The following URB1 variants were observed in gnomAD, a reference collection of about 807,000 sequenced individuals.
The protein encoded by URB1 is nucleolar pre-ribosomal-associated protein 1.
Under a neutral mutation model 242.3 loss-of-function variants are expected in URB1, and 197 were observed. That is an observed-to-expected ratio of 0.81 (90% CI 0.72 to 0.91). URB1 has a LOEUF of 0.91. URB1 is among the 40% of genes least tolerant of loss of function. The probability of loss-of-function intolerance (pLI) is 0.00; values close to 1 mark genes in which losing one functional copy is unlikely to be tolerated. For missense variants in URB1, 2,721 were observed against 2,860.5 expected (o/e 0.95, Z 1.11); for synonymous variants, 1,153 against 1,201.8 (o/e 0.96, Z 0.84).
At chr21:32,354,490 G>A (rs1238970327) in intron 17 of URB1, among the ~76,000 whole-genome samples, 1 of 152,184 alleles carries the variant, frequency 6.6e-6, no homozygotes, top group Non-Finnish European at 1.5e-5. Context: ...TGTAGTAGCT[G>A]TATGAGCTTG....
intron 32 of URB1, among the ~76,000 whole-genome samples, chr21:32,323,895 C>T (rs762232271): frequency 1.3e-5 from 2 of 151,980 alleles, no homozygotes; most frequent in Admixed American, 6.6e-5. Flanking sequence ...CCTGGGAGGT[C>T]GAGGTTGCAG....
At chr21:32,386,812 T>A (rs948699767) in intron 1 of URB1, among the ~76,000 whole-genome samples, 7 of 152,100 alleles carry the variant, frequency 4.6e-5, no homozygotes, top group African/African-American at 1.7e-4. Flanking sequence ...ATTTCACAGA[T>A]GAGAAAACTG....
At chr21:32,358,932 G>A (rs1238639031) in intron 14 of URB1, among the ~76,000 whole-genome samples, 2 of 152,108 alleles carry the variant, frequency 1.3e-5, no homozygotes, top group African/African-American at 2.4e-5. Context: ...AACGTGAAAC[G>A]AGCAGCCACA....
At chr21:32,336,868 A>T (rs369760060) in intron 28 of URB1, among the ~76,000 whole-genome samples, 9 of 152,194 alleles carry the variant, frequency 5.9e-5, no homozygotes, top group Admixed American at 4.6e-4. Context: ...ACAGACAGGC[A>T]CCCATCAGTC....
At chr21:32,344,021 G>A (rs1363845716) in intron 24 of URB1, among the ~76,000 whole-genome samples, 1 of 152,082 alleles carries the variant, frequency 6.6e-6, no homozygotes, top group Non-Finnish European at 1.5e-5. Flanking sequence ...CTTAAAGGAG[G>A]AAAAAACTAT....
chr21:32,353,998 C>T lies in URB1; in HGVS notation c.2351G>A (p.Ser784Asn), dbSNP rs760239428. The T allele has an allele frequency of 6.4e-7, 1 of 1,551,784 alleles. No homozygotes were observed. The highest frequency in any genetic ancestry group is 1.2e-5 in the South Asian group (1 of 84,054). The change falls in exon 18 of 39, where the codon AGT (serine) becomes AAT (asparagine). Residue 784 changes from serine to asparagine, a missense_variant. Physicochemically the swap from Ser to Asn is conservative, Grantham distance 46. Coordinates refer to ENST00000382751, the MANE Select transcript of URB1 (RefSeq NM_014825.3). ...TTCCAGGGCCGCAGGGACTACCGCA[C>T]TGAATGGGAACGTGAGCAGGATCAT... The part of the protein sequence containing the change: ...EDMILLTFPF[S>N]AVVPAALEAR...
rs754473416 is a variant in URB1, at chr21:32,379,966, G to A, written c.568-1425C>T. On this transcript the variant is annotated intron_variant, in intron 4 of 38. Transcript: ENST00000382751. ...TGCACTCCAACCTGGGCGACAGAGC[G>A]AGACTCCATCTCAAAAAAAAAAAAA... Among the ~76,000 whole-genome samples the A allele has an allele frequency of 1.4e-3, 211 of 150,350 alleles. 13 individuals are homozygous for A. Among genetic ancestry groups the A allele is most frequent in the Non-Finnish European group, 5.5e-4 (37 of 67,706 alleles).
chr21:32,380,432 CAAT>C (rs993568642), intron 4 of URB1, among the ~76,000 whole-genome samples: 1 of 152,214 alleles, frequency 6.6e-6, no homozygotes, highest in Non-Finnish European at 1.5e-5. Context: ...TGTCTCATCA[CAAT>C]AAGGAGTTTG....
chr21:32,370,049 T>C (rs4817487), intron 8 of URB1, among the ~76,000 whole-genome samples: 138,839 of 150,472 alleles, frequency 0.92, 64,231 homozygotes, highest in Middle Eastern at 0.99. Flanking sequence ...GGGAGTAAAA[T>C]CCCAGGATCC....
At chr21:32,360,766 G>C (rs2033273905) in intron 13 of URB1, among the ~76,000 whole-genome samples, 1 of 152,204 alleles carries the variant, frequency 6.6e-6, no homozygotes, top group East Asian at 1.9e-4. Context: ...CATGTAGGTT[G>C]CTCAGCACTC....
At chr21:32,358,355 G>A (rs1486723695) in intron 14 of URB1, among the ~76,000 whole-genome samples, 1 of 152,156 alleles carries the variant, frequency 6.6e-6, no homozygotes, top group African/African-American at 2.4e-5. Flanking sequence ...TGAGCAGGAG[G>A]GACCCCAGGC....
intron 34 of URB1, 71 bp downstream of exon 34, chr21:32,321,730 G>C: frequency 6.5e-7 from 1 of 1,533,438 alleles, no homozygotes; most frequent in South Asian, 1.2e-5. Flanking sequence ...ATACGGACTT[G>C]ACTTCCAGAT....
chr21:32,348,358 C>T (rs1601137476), intron 21 of URB1, among the ~76,000 whole-genome samples: 2 of 152,212 alleles, frequency 1.3e-5, no homozygotes, highest in South Asian at 2.1e-4. Context: ...ATTAAACCAC[C>T]GTGTGTCTAC....
Position 32,343,990 on chromosome 21 carries a change from A to C in URB1, c.4257+580T>G, listed in dbSNP as rs559993282. ...GGAAGCAAAGCAGGCCAGAAGACAG[A>C]AAAGCAACAAGTTTGAAATACTTAA... On this transcript the variant is annotated intron_variant, in intron 24 of 38. Transcript: ENST00000382751. Among the ~76,000 whole-genome samples, 36 of 152,348 alleles carry C rather than the reference A, an allele frequency of 2.4e-4. No homozygotes were observed. The South Asian group carries it at 7.5e-3, about 32-fold the overall frequency.
At chr21:32,318,626 T>A (rs2032723169) in intron 36 of URB1, among the ~76,000 whole-genome samples, 2 of 152,192 alleles carry the variant, frequency 1.3e-5, no homozygotes, top group Non-Finnish European at 1.5e-5. Flanking sequence ...CCGGTTAGCA[T>A]AACTTGGCTC....
intron 38 of URB1, among the ~76,000 whole-genome samples, 175 bp downstream of exon 38, chr21:32,316,291 G>A (rs1030638139): frequency 1.3e-5 from 2 of 152,228 alleles, no homozygotes; most frequent in Admixed American, 1.3e-4. Context: ...CACATTCACT[G>A]CCCAGTGGCA....
intron 9 of URB1, among the ~76,000 whole-genome samples, chr21:32,366,960 G>A (rs2033353687): frequency 6.6e-6 from 1 of 152,176 alleles, no homozygotes. Context: ...TGTTAACAGA[G>A]AAAGGACCTT....
In URB1 at chr21:32,317,059, A is replaced by G. The variant is rs1299753145; in HGVS notation, c.6041T>C (p.Leu2014Pro). The stretch of plus-strand genomic sequence containing the variant: ...CATGACAGGCTTGTTCTTATCCTTG[A>G]GCATTTCTGTTAAATGCACAAAGAG... Reference protein sequence around the residue: ...KAQARELMKMLKDKNKPVMPA... With the variant: ...KAQARELMKMPKDKNKPVMPA... Residue 2014 changes from leucine to proline, a missense_variant, in exon 38 of 39, where the codon CTC becomes CCC. Physicochemically the swap from Leu to Pro is moderately conservative, Grantham distance 98 (BLOSUM62 -3). Transcript: ENST00000382751. 6.5e-7 allele frequency: 1 copy of G among 1,532,142 alleles called. No individual in the cohort carries two copies. Among genetic ancestry groups the G allele is most frequent in the Non-Finnish European group, 8.8e-7 (1 of 1,139,526 alleles). 94.9% of individuals were successfully genotyped at this position (1,532,142 alleles called of 1,614,324 possible).
At chr21:32,376,330 T>C (rs2033458545) in intron 5 of URB1, among the ~76,000 whole-genome samples, 1 of 152,326 alleles carries the variant, frequency 6.6e-6, no homozygotes, top group African/African-American at 2.4e-5. Flanking sequence ...GTAGTGACAG[T>C]GGGCAGAAGC....
Sources: allele counts gnomAD v4.1 joint callset (sites outside exome capture counted in the v4.1 genomes callset), GRCh38; gene constraint gnomAD v4.1.1; transcripts MANE v1.5; gene names NCBI Gene and HGNC (gene_info 2026-07-23, HGNC 2026-07-21).